Variants in ANKRD13C observed in about 807,000 individuals in gnomAD.
The protein encoded by ANKRD13C is ankyrin repeat domain-containing protein 13C.
ANKRD13C carries 16 observed loss-of-function variants against 65.5 expected under a neutral mutation model. The observed-to-expected ratio is 0.24, with a 90% CI of 0.17 to 0.37. The LOEUF (loss-of-function observed/expected upper bound fraction) is 0.37, where lower values mean the gene tolerates loss of function less well. ANKRD13C is among the 10% of genes least tolerant of loss of function. ANKRD13C has a pLI of 1.00. For missense variants in ANKRD13C, 503 were observed against 655.9 expected, an observed-to-expected ratio of 0.77 and a Z score of 2.55; for synonymous variants, 235 against 238.7, an observed-to-expected ratio of 0.98 and a Z score of 0.14.
At chr1:70,330,249 T>A (rs1432943962) in intron 2 of ANKRD13C, among the ~76,000 whole-genome samples, 1 of 151,994 alleles carries the variant, frequency 6.6e-6, no homozygotes, top group Admixed American at 6.6e-5. Flanking sequence ...AAAACGCAAA[T>A]TATGAGGAAT....
chr1:70,313,798 A>G lies in ANKRD13C; in HGVS notation c.664-8T>C. On this transcript the variant is annotated splice_polypyrimidine_tract_variant and splice_region_variant and intron_variant, in intron 4 of 12. Coordinates refer to ENST00000370944, the MANE Select transcript of ANKRD13C (RefSeq NM_030816.5). ...TAGATAAAAGTCACCTAGCTGAAAA[A>G]TGAAATATGAATAATTACTAAATGC... 1 of 1,603,102 alleles carries G rather than the reference A, an allele frequency of 6.2e-7. No individual in the cohort carries two copies. Among genetic ancestry groups the G allele is most frequent in the Non-Finnish European group, 8.5e-7 (1 of 1,170,588 alleles).
At chr1:70,295,257 T>A (rs1680030133) in intron 8 of ANKRD13C, among the ~76,000 whole-genome samples, 1 of 152,064 alleles carries the variant, frequency 6.6e-6, no homozygotes, top group Admixed American at 6.5e-5. Flanking sequence ...TTTTATTTAT[T>A]TATTTTTTTT....
chr1:70,298,492 T>C (rs1344081329), intron 7 of ANKRD13C, among the ~76,000 whole-genome samples: 2 of 152,326 alleles, frequency 1.3e-5, no homozygotes, highest in East Asian at 3.9e-4. Flanking sequence ...CATATATGTA[T>C]GTATACATAC....
At chr1:70,342,445 G>A (rs976481222) in intron 1 of ANKRD13C, among the ~76,000 whole-genome samples, 2 of 152,134 alleles carry the variant, frequency 1.3e-5, no homozygotes, top group African/African-American at 2.4e-5. Flanking sequence ...GGCTGAGGCA[G>A]GAGAATCGCT....
chr1:70,264,062 C>T (rs1484486032), intron 12 of ANKRD13C, among the ~76,000 whole-genome samples: 1 of 152,148 alleles, frequency 6.6e-6, no homozygotes, highest in Non-Finnish European at 1.5e-5. Flanking sequence ...CAGATGCTAT[C>T]CTAATCCAGG....
At chr1:70,332,493 G>A (rs542751281) in intron 2 of ANKRD13C, among the ~76,000 whole-genome samples, 2 of 152,262 alleles carry the variant, frequency 1.3e-5, no homozygotes, top group Admixed American at 6.5e-5. Flanking sequence ...TTGAAACGGA[G>A]TCTCGCTCTG....
At chr1:70,315,795 G>A (rs1025135912) in intron 3 of ANKRD13C, among the ~76,000 whole-genome samples, 3 of 152,132 alleles carry the variant, frequency 2.0e-5, no homozygotes. Context: ...AAGAAGCTGA[G>A]ACATAGAAGT....
chr1:70,286,847 G>T (rs111348793), intron 9 of ANKRD13C, among the ~76,000 whole-genome samples: 2 of 152,088 alleles, frequency 1.3e-5, no homozygotes, highest in Non-Finnish European at 2.9e-5. Context: ...CTAGCCGGGC[G>T]TGGTGGTGGG....
intron 3 of ANKRD13C, among the ~76,000 whole-genome samples, chr1:70,317,024 C>T (rs913707645): frequency 4.0e-5 from 6 of 148,578 alleles, no homozygotes; most frequent in East Asian, 2.0e-4. Flanking sequence ...AAGCAGAAGG[C>T]GAATAAAAAA....
intron 9 of ANKRD13C, among the ~76,000 whole-genome samples, chr1:70,281,985 G>C (rs973783804): frequency 6.6e-6 from 1 of 151,208 alleles, no homozygotes; most frequent in African/African-American, 2.4e-5. Flanking sequence ...GGGCAACAGA[G>C]GGAGACTCCA....
intron 9 of ANKRD13C, among the ~76,000 whole-genome samples, chr1:70,280,821 G>T (rs972947868): frequency 7.9e-5 from 12 of 152,158 alleles, no homozygotes; most frequent in African/African-American, 2.9e-4. Context: ...CTATTTCAGG[G>T]TGATTACTCT....
In ANKRD13C at chr1:70,308,347, T is replaced by TATC. The variant is rs1372862781; in HGVS notation, c.710-2060_710-2058dup. Reference sequence around the variant, plus strand: ...AACACCCTACAAAAACAGAATTTAATATCATACACTAATACTTTTATTAAA... The same window carrying TATC: ...AACACCCTACAAAAACAGAATTTAATATCATCATACACTAATACTTTTATTAAA... On this transcript the variant is annotated intron_variant, in intron 5 of 12. Transcript: ENST00000370944. Among the ~76,000 whole-genome samples the TATC allele has an allele frequency of 7.9e-5, 12 of 151,818 alleles. No homozygotes were observed. The East Asian group carries it at 2.3e-3, about 29-fold the overall frequency.
At chr1:70,318,926 C>A (rs1447912145) in intron 3 of ANKRD13C, among the ~76,000 whole-genome samples, 1 of 152,120 alleles carries the variant, frequency 6.6e-6, no homozygotes, top group Non-Finnish European at 1.5e-5. Flanking sequence ...CATGATCCAC[C>A]TGCCTCAGCC....
At chr1:70,339,861 T>C (rs1389696022) in intron 1 of ANKRD13C, among the ~76,000 whole-genome samples, 1 of 139,376 alleles carries the variant, frequency 7.2e-6, no homozygotes, top group African/African-American at 2.7e-5. Flanking sequence ...ATTATTATTA[T>C]TATTTTGAAA....
intron 2 of ANKRD13C, among the ~76,000 whole-genome samples, chr1:70,335,794 C>T (rs1334541870): frequency 6.6e-6 from 1 of 150,612 alleles, no homozygotes; most frequent in Non-Finnish European, 1.5e-5. Flanking sequence ...ATTATAAATT[C>T]CTGCTTGATA....
At chr1:70,317,259 G>T (rs1009516705) in intron 3 of ANKRD13C, among the ~76,000 whole-genome samples, 4 of 152,128 alleles carry the variant, frequency 2.6e-5, no homozygotes, top group African/African-American at 9.7e-5. Context: ...AAATCGGAAT[G>T]CAGGACCTAG....
At chr1:70,264,475 CAAAAAAAA>C (rs57312096) in intron 12 of ANKRD13C, among the ~76,000 whole-genome samples, 20 of 48,954 alleles carry the variant, frequency 4.1e-4, no homozygotes, top group South Asian at 1.8e-3. Context: ...GACTCTATCT[CAAAAAAAA>C]AAAAAAAAAA....
intron 11 of ANKRD13C, among the ~76,000 whole-genome samples, chr1:70,271,588 G>T (rs1020716661): frequency 3.3e-5 from 5 of 152,108 alleles, no homozygotes; most frequent in African/African-American, 1.2e-4. Flanking sequence ...AATACTGACA[G>T]ATCACACTTT....
chr1:70,334,183 G>T (rs1313621946), intron 2 of ANKRD13C, among the ~76,000 whole-genome samples: 1 of 152,044 alleles, frequency 6.6e-6, no homozygotes, highest in African/African-American at 2.4e-5. Flanking sequence ...AAGTTAGTTA[G>T]GTATGGTGGC....
Sources: allele counts gnomAD v4.1 joint callset (sites outside exome capture counted in the v4.1 genomes callset), GRCh38; gene constraint gnomAD v4.1.1; transcripts MANE v1.5; gene names NCBI Gene and HGNC (gene_info 2026-07-23, HGNC 2026-07-21).